Variants in MACROD2 observed in about 807,000 individuals in gnomAD.
MACROD2 encodes the protein ADP-ribose glycohydrolase MACROD2.
Under a neutral mutation model 70.4 loss-of-function variants are expected in MACROD2, and 36 were observed. That is an observed-to-expected ratio of 0.51 (90% CI 0.39 to 0.68). The LOEUF (loss-of-function observed/expected upper bound fraction) is 0.68, where lower values mean the gene tolerates loss of function less well. Ranked by LOEUF, MACROD2 falls within the 30% of genes least tolerant of loss-of-function variation. The pLI is 0.00. For missense variants in MACROD2, 496 were observed against 538.4 expected (o/e 0.92, Z 0.78); for synonymous variants, 172 against 178.8 (o/e 0.96, Z 0.30).
At chr20:15,243,571 G>C (rs531065753) in intron 6 of MACROD2, among the ~76,000 whole-genome samples, 2 of 152,100 alleles carry the variant, frequency 1.3e-5, no homozygotes, top group South Asian at 4.2e-4. Flanking sequence ...TAAATATGCA[G>C]TGGGGCCAAC....
At chr20:16,025,612 G>A (rs372415500) in intron 15 of MACROD2, among the ~76,000 whole-genome samples, 85 of 152,242 alleles carry the variant, frequency 5.6e-4, no homozygotes, top group African/African-American at 2.0e-3. Context: ...AGCCGCCTGG[G>A]GATGGCGGGT....
chr20:15,498,685 C>T (rs1293376039), intron 7 of MACROD2, among the ~76,000 whole-genome samples: 2 of 151,942 alleles, frequency 1.3e-5, no homozygotes, highest in African/African-American at 2.4e-5. Flanking sequence ...GGGGAGTGAC[C>T]GTTAATGGGT....
At chr20:15,922,072 C>T (rs2065417619) in intron 10 of MACROD2, among the ~76,000 whole-genome samples, 1 of 152,156 alleles carries the variant, frequency 6.6e-6, no homozygotes. Context: ...CTGTTGAGAC[C>T]AGAAAAAGCC....
rs980130445 is a variant in MACROD2, at chr20:14,612,779, T to C, written c.302-72064T>C. On this transcript the variant is annotated intron_variant, in intron 4 of 17. Coordinates refer to ENST00000684519, the MANE Select transcript of MACROD2 (RefSeq NM_001351661.2). ...ATGGTGAGTTTTTAAACATTTTGCA[T>C]AATTTTTTAAATTCTAAAAGTATTA... 1.6e-4 allele frequency among the ~76,000 whole-genome samples: 24 copies of C among 152,254 alleles called. No homozygotes were observed. In the Middle Eastern group the frequency reaches 0.01, roughly 65 times the overall value.
chr20:14,306,909 A>G (rs2082525433), intron 3 of MACROD2, among the ~76,000 whole-genome samples: 1 of 152,038 alleles, frequency 6.6e-6, no homozygotes, highest in Non-Finnish European at 1.5e-5. Context: ...AAATGCCACT[A>G]TTTGATACCA....
intron 8 of MACROD2, among the ~76,000 whole-genome samples, chr20:15,700,517 C>CT (rs1387880128): frequency 6.6e-6 from 1 of 152,180 alleles, no homozygotes; most frequent in East Asian, 1.9e-4. Flanking sequence ...ATTTTTCCCC[C>CT]TGAATGTTTG....
At chr20:14,240,820 A>T (rs1295827034) in intron 3 of MACROD2, among the ~76,000 whole-genome samples, 1 of 152,182 alleles carries the variant, frequency 6.6e-6, no homozygotes, top group Non-Finnish European at 1.5e-5. Flanking sequence ...AAACCTGCAC[A>T]TGTATCCAGA....
At chr20:15,865,703 A>G (rs2147169566) in intron 9 of MACROD2, among the ~76,000 whole-genome samples, 1 of 152,328 alleles carries the variant, frequency 6.6e-6, no homozygotes, top group African/African-American at 2.4e-5. Flanking sequence ...CAAAATGCAC[A>G]AAACAGAAGG....
chr20:15,251,232 T>C (rs1188443376), intron 6 of MACROD2, among the ~76,000 whole-genome samples: 1 of 152,218 alleles, frequency 6.6e-6, no homozygotes, highest in East Asian at 1.9e-4. Context: ...CACTTCAAAA[T>C]GGATTCCCTG....
chr20:15,479,785 G>C (rs1271666273), intron 7 of MACROD2, among the ~76,000 whole-genome samples: 1 of 152,128 alleles, frequency 6.6e-6, no homozygotes, highest in Non-Finnish European at 1.5e-5. Context: ...CACACCAGCT[G>C]CTTCTTCAGA....
At chr20:14,280,221 A>G (rs2082295842) in intron 3 of MACROD2, among the ~76,000 whole-genome samples, 1 of 152,172 alleles carries the variant, frequency 6.6e-6, no homozygotes, top group Non-Finnish European at 1.5e-5. Flanking sequence ...GGAGAAATTC[A>G]GAAATCAAGA....
intron 5 of MACROD2, among the ~76,000 whole-genome samples, chr20:15,143,819 A>G (rs925208230): frequency 2.2e-4 from 34 of 152,096 alleles, no homozygotes; most frequent in African/African-American, 6.5e-4. Context: ...CACAATAAGC[A>G]GATCACCAGC....
At chr20:14,375,375 T>G (rs2122758429) in intron 3 of MACROD2, among the ~76,000 whole-genome samples, 1 of 152,318 alleles carries the variant, frequency 6.6e-6, no homozygotes, top group East Asian at 1.9e-4. Flanking sequence ...GTTTAAGCAG[T>G]AGGCTTAGGT....
intron 12 of MACROD2, among the ~76,000 whole-genome samples, chr20:15,947,928 A>T (rs2065847338): frequency 6.6e-6 from 1 of 152,118 alleles, no homozygotes; most frequent in South Asian, 2.1e-4. Context: ...TTGCTGGTGC[A>T]TCCAATGTTG....
chr20:15,392,081 G>A (rs901420999), intron 6 of MACROD2, among the ~76,000 whole-genome samples: 1 of 152,080 alleles, frequency 6.6e-6, no homozygotes, highest in East Asian at 1.9e-4. Context: ...ACTCCTAATG[G>A]TTTATTTAAT....
intron 2 of MACROD2, among the ~76,000 whole-genome samples, chr20:14,029,307 G>A (rs569819349): frequency 6.6e-6 from 1 of 152,242 alleles, no homozygotes; most frequent in Non-Finnish European, 1.5e-5. Context: ...GGGAAAAAAC[G>A]CATCATAGAA....
chr20:15,563,929 C>T (rs1170151711), intron 8 of MACROD2, among the ~76,000 whole-genome samples: 2 of 152,050 alleles, frequency 1.3e-5, no homozygotes, highest in Non-Finnish European at 2.9e-5. Flanking sequence ...TTTTTCTTTC[C>T]TTTTTCCGTG....
chr20:14,470,796 G>A (rs576899571), intron 3 of MACROD2, among the ~76,000 whole-genome samples: 201 of 152,272 alleles, frequency 1.3e-3, no homozygotes, highest in Non-Finnish European at 2.4e-3. Context: ...AGCATCCCAG[G>A]TCAGCTTCAG....
At chr20:14,262,669 G>C (rs890870591) in intron 3 of MACROD2, among the ~76,000 whole-genome samples, 2 of 152,174 alleles carry the variant, frequency 1.3e-5, no homozygotes, top group Non-Finnish European at 2.9e-5. Flanking sequence ...GAGACTAAAA[G>C]GGAGAGGTAG....
Sources: allele counts gnomAD v4.1 joint callset (sites outside exome capture counted in the v4.1 genomes callset), GRCh38; gene constraint gnomAD v4.1.1; transcripts MANE v1.5; gene names NCBI Gene and HGNC (gene_info 2026-07-23, HGNC 2026-07-21).